PRKCB: variants seen among roughly 807,000 people sequenced by gnomAD.
PRKCB encodes the protein protein kinase C beta.
A neutral mutation model predicts 81.5 loss-of-function variants in PRKCB; 13 were observed. The observed-to-expected ratio is 0.16, with a 90% CI of 0.10 to 0.25. The LOEUF (loss-of-function observed/expected upper bound fraction) is 0.25, where lower values mean the gene tolerates loss of function less well. Among genes scored for constraint, PRKCB ranks in the 10% least tolerant of loss-of-function variants. The pLI is 1.00. For missense variants in PRKCB, 509 were observed against 875.7 expected (o/e 0.58, Z 5.29); for synonymous variants, 335 against 321.4 (o/e 1.04, Z -0.45).
intron 9 of PRKCB, among the ~76,000 whole-genome samples, chr16:24,132,584 A>G (rs933589907): frequency 3.9e-5 from 6 of 152,164 alleles, no homozygotes; most frequent in Non-Finnish European, 8.8e-5. Flanking sequence ...ACTATGTGCC[A>G]GGCTCTGTTA....
chr16:24,158,389 G>T (rs149071453), intron 10 of PRKCB, among the ~76,000 whole-genome samples: 88 of 152,272 alleles, frequency 5.8e-4, no homozygotes, highest in African/African-American at 2.0e-3. Flanking sequence ...GATAGGTTCT[G>T]TCATCATTCC....
chr16:24,179,527 G>A (rs1023857553), intron 12 of PRKCB, among the ~76,000 whole-genome samples: 1 of 152,190 alleles, frequency 6.6e-6, no homozygotes, highest in Non-Finnish European at 1.5e-5. Flanking sequence ...GAAATATAAA[G>A]CATTGACATT....
At chr16:23,954,783 G>A (rs971330456) in intron 2 of PRKCB, among the ~76,000 whole-genome samples, 7 of 152,112 alleles carry the variant, frequency 4.6e-5, no homozygotes, top group African/African-American at 1.4e-4. Flanking sequence ...TGGGTGTAGC[G>A]GCTCATGCCT....
chr16:23,991,325 G>T (rs1370236483), intron 3 of PRKCB, among the ~76,000 whole-genome samples: 1 of 152,182 alleles, frequency 6.6e-6, no homozygotes, highest in Admixed American at 6.5e-5. Flanking sequence ...AAATCTGTTT[G>T]CAAAGACAAA....
intron 5 of PRKCB, among the ~76,000 whole-genome samples, chr16:24,037,346 A>G (rs925569106): frequency 6.6e-6 from 1 of 152,206 alleles, no homozygotes; most frequent in Non-Finnish European, 1.5e-5. Context: ...TTATATTCCA[A>G]GAGCTCACAC....
chr16:24,199,273 T>C (rs1453982307), intron 16 of PRKCB, among the ~76,000 whole-genome samples: 1 of 152,230 alleles, frequency 6.6e-6, no homozygotes, highest in African/African-American at 2.4e-5. Context: ...TTTTATCATC[T>C]GAAAACATTG....
intron 1 of PRKCB, 152 bp from the exon 2 acceptor site, chr16:23,837,223 A>T: frequency 1.1e-6 from 1 of 905,190 alleles, no homozygotes; most frequent in Non-Finnish European, 1.8e-6. Flanking sequence ...ACCTACCCCC[A>T]CAAAGGCGGA....
At chr16:24,020,976 T>TTTCTTTCTTTCCTTCTTTCTTTC (rs1195937545) in intron 3 of PRKCB, among the ~76,000 whole-genome samples, 6 of 96,630 alleles carry the variant, frequency 6.2e-5, no homozygotes, top group African/African-American at 1.6e-4. Flanking sequence ...AGACTTTTCT[T>TTTCTTTCTTTCCTTCTTTCTTTC]TTTCTTTCTT....
intron 2 of PRKCB, among the ~76,000 whole-genome samples, chr16:23,871,013 G>A (rs1204573980): frequency 2.0e-5 from 3 of 152,188 alleles, no homozygotes; most frequent in African/African-American, 7.2e-5. Flanking sequence ...GGCCACTTGG[G>A]CTTGTTCACA....
intron 12 of PRKCB, among the ~76,000 whole-genome samples, chr16:24,177,656 T>G (rs545616828): frequency 3.3e-5 from 5 of 152,158 alleles, no homozygotes; most frequent in Non-Finnish European, 7.4e-5. Context: ...AGCAACTACT[T>G]TCCAGAGGCA....
intron 2 of PRKCB, among the ~76,000 whole-genome samples, chr16:23,840,881 A>G (rs1190132405): frequency 1.3e-5 from 2 of 152,022 alleles, no homozygotes; most frequent in African/African-American, 4.8e-5. Context: ...CTGCCTCATA[A>G]TTTCTCCCTT....
chr16:23,895,279 T>C (rs1963360707), intron 2 of PRKCB, among the ~76,000 whole-genome samples: 1 of 152,188 alleles, frequency 6.6e-6, no homozygotes, highest in Admixed American at 6.5e-5. Context: ...TTTTTAGTTT[T>C]TGAAAATTTT....
At chr16:24,125,044 C>G (rs186437679) in intron 9 of PRKCB, among the ~76,000 whole-genome samples, 6 of 150,110 alleles carry the variant, frequency 4.0e-5, no homozygotes, top group Admixed American at 1.3e-4. Flanking sequence ...ATAATTAATC[C>G]CAATCCCAAT....
intron 5 of PRKCB, among the ~76,000 whole-genome samples, chr16:24,065,668 C>T (rs1052675144): frequency 1.3e-5 from 2 of 152,036 alleles, no homozygotes; most frequent in African/African-American, 4.8e-5. Context: ...CTCTAAAGAA[C>T]GTCTTTTATT....
intron 2 of PRKCB, among the ~76,000 whole-genome samples, chr16:23,937,890 C>T (rs536810720): frequency 7.2e-4 from 110 of 152,166 alleles, no homozygotes; most frequent in African/African-American, 2.4e-3. Context: ...GTGAATTGAA[C>T]GTTCAGTTGT....
At chr16:24,010,194 T>C (rs1965183213) in intron 3 of PRKCB, among the ~76,000 whole-genome samples, 1 of 152,188 alleles carries the variant, frequency 6.6e-6, no homozygotes, top group African/African-American at 2.4e-5. Flanking sequence ...ACCACAGGCA[T>C]GTCCCATTGG....
intron 2 of PRKCB, among the ~76,000 whole-genome samples, chr16:23,848,462 A>T (rs989848753): frequency 1.3e-5 from 2 of 152,186 alleles, no homozygotes; most frequent in African/African-American, 4.8e-5. Context: ...CATGTCAGTC[A>T]TATTGTTGAT....
intron 10 of PRKCB, among the ~76,000 whole-genome samples, chr16:24,159,434 T>C (rs1223549734): frequency 2.0e-5 from 3 of 152,168 alleles, no homozygotes; most frequent in Non-Finnish European, 4.4e-5. Context: ...CTAACAGTAA[T>C]AGGTTGGGCA....
intron 2 of PRKCB, among the ~76,000 whole-genome samples, chr16:23,934,348 CT>C (rs1964028737): frequency 7.0e-6 from 1 of 143,088 alleles, no homozygotes; most frequent in Non-Finnish European, 1.5e-5. Flanking sequence ...ACATTAAAAG[CT>C]CTAGTTTTCC....
Sources: gnomAD v4.1 joint callset for allele counts (sites outside exome capture counted in the v4.1 genomes callset) on GRCh38, gnomAD v4.1.1 for gene constraint, MANE v1.5 for transcripts, NCBI Gene and HGNC (gene_info 2026-07-23, HGNC 2026-07-21) for gene names.